ALOX5: variants seen among roughly 807,000 people sequenced by gnomAD.
ALOX5 encodes arachidonate 5-lipoxygenase.
Under a neutral mutation model 87.9 loss-of-function variants are expected in ALOX5, and 64 were observed. That is an observed-to-expected ratio of 0.73 (90% CI 0.60 to 0.90). The LOEUF (loss-of-function observed/expected upper bound fraction) is 0.90, where lower values mean the gene tolerates loss of function less well. Among genes scored for constraint, ALOX5 ranks in the 40% least tolerant of loss-of-function variants. The pLI is 0.00. For synonymous variants in ALOX5, 388 were observed against 355.1 expected (o/e 1.09, Z -1.04); for missense variants, 822 against 907.5 (o/e 0.91, Z 1.21).
chr10:45,386,426 A>T (rs904737008), intron 2 of ALOX5, among the ~76,000 whole-genome samples: 1 of 152,052 alleles, frequency 6.6e-6, no homozygotes, highest in Non-Finnish European at 1.5e-5. Flanking sequence ...TGATCATGCC[A>T]CTGCACTCTA....
intron 12 of ALOX5, 119 bp downstream of exon 12, chr10:45,443,947 T>A: frequency 1.4e-6 from 2 of 1,440,420 alleles, no homozygotes; most frequent in Non-Finnish European, 9.3e-7. Flanking sequence ...GCACGGGACT[T>A]GCAGGATGGA....
chr10:45,441,612 C>T, intron 9 of ALOX5, 182 bp downstream of exon 9: 1 of 557,412 alleles, frequency 1.8e-6, no homozygotes. Context: ...CAGGAGCACT[C>T]CTCCAGGCGC....
chr10:45,377,028 C>G (rs1839640178), intron 1 of ALOX5, among the ~76,000 whole-genome samples: 1 of 152,178 alleles, frequency 6.6e-6, no homozygotes, highest in Non-Finnish European at 1.5e-5. Context: ...TGTAACAGAT[C>G]TGAAGATTTC....
intron 2 of ALOX5, among the ~76,000 whole-genome samples, chr10:45,386,300 CAA>C (rs56924533): frequency 2.7e-4 from 34 of 124,390 alleles, no homozygotes; most frequent in Admixed American, 2.5e-4. Flanking sequence ...GACTCTGTCT[CAA>C]AAAAAAAAAA....
At chr10:45,378,716 G>A (rs1476933781) in intron 1 of ALOX5, among the ~76,000 whole-genome samples, 4 of 152,164 alleles carry the variant, frequency 2.6e-5, no homozygotes, top group Admixed American at 1.3e-4. Context: ...TGGGATGTTA[G>A]AACCACAGCC....
intron 2 of ALOX5, among the ~76,000 whole-genome samples, chr10:45,385,222 A>T (rs954236743): frequency 6.6e-6 from 1 of 152,326 alleles, no homozygotes; most frequent in East Asian, 1.9e-4. Context: ...GGGCCAGCCT[A>T]CAAGTGATTC....
intron 4 of ALOX5, among the ~76,000 whole-genome samples, chr10:45,413,885 A>T (rs1245194753): frequency 6.6e-6 from 1 of 152,212 alleles, no homozygotes. Context: ...CTTACAAGGG[A>T]TGTGAAGGAC....
At chr10:45,421,386 T>C (rs6593485) in intron 4 of ALOX5, among the ~76,000 whole-genome samples, 109,711 of 152,178 alleles carry the variant, frequency 0.72, 39,814 homozygotes, top group East Asian at 0.87. Flanking sequence ...GGACCTCAGG[T>C]GCCCCAGCAC....
intron 2 of ALOX5, among the ~76,000 whole-genome samples, chr10:45,385,293 C>T (rs1031332435): frequency 2.0e-5 from 3 of 152,194 alleles, no homozygotes; most frequent in Admixed American, 6.5e-5. Context: ...CTTGGGTGAA[C>T]ATGAATGTCA....
chr10:45,414,321 A>G (rs1841186049), intron 4 of ALOX5, among the ~76,000 whole-genome samples: 1 of 152,216 alleles, frequency 6.6e-6, no homozygotes, highest in South Asian at 2.1e-4. Flanking sequence ...AAACCTGACA[A>G]AAACAAGCAA....
intron 1 of ALOX5, among the ~76,000 whole-genome samples, chr10:45,380,850 G>T (rs1839800010): frequency 6.6e-6 from 1 of 152,206 alleles, no homozygotes; most frequent in Non-Finnish European, 1.5e-5. Context: ...ACTGAGGCAG[G>T]AGAATCACTT....
At position 45,402,422 on chromosome 10, in the gene ALOX5, G is replaced by A. The variant is rs1054227440; in HGVS notation, c.431+6486G>A. Among the ~76,000 whole-genome samples the A allele has an allele frequency of 3.3e-5, 5 of 152,122 alleles. No homozygotes were observed. In the South Asian group the frequency reaches 6.2e-4, roughly 19 times the overall value. On this transcript the variant is annotated intron_variant, in intron 3 of 13. Transcript: ENST00000374391. Reference sequence around the variant, plus strand: ...GTACTGGGTCTGCTACGGAGGGCTCGGCTGATGGGTGGCACTGGGCCACTG... The same window carrying A: ...GTACTGGGTCTGCTACGGAGGGCTCAGCTGATGGGTGGCACTGGGCCACTG...
rs188527474 is a variant in ALOX5 at position 45,387,412 on chromosome 10, G to A, written c.349+4731G>A. On this transcript the variant is annotated intron_variant, in intron 2 of 13. Coordinates refer to ENST00000374391, the MANE Select transcript of ALOX5 (RefSeq NM_000698.5). ...ACACTAAAACCCAGAGTGAACTCCCGTTTTTGCTCAGTATAAGAATTTCAG... is the reference window on the plus strand; with the variant it reads ...ACACTAAAACCCAGAGTGAACTCCCATTTTTGCTCAGTATAAGAATTTCAG... 4.2e-3 allele frequency among the ~76,000 whole-genome samples: 638 copies of A among 152,238 alleles called. 4 individuals carry two copies. Among genetic ancestry groups the A allele is most frequent in the African/African-American group, 0.014 (601 of 41,524 alleles).
At chr10:45,383,106 G>A (rs1460915563) in intron 2 of ALOX5, among the ~76,000 whole-genome samples, 2 of 152,264 alleles carry the variant, frequency 1.3e-5, no homozygotes. Flanking sequence ...AGCTCAGGGT[G>A]CCCCATGTGG....
intron 7 of ALOX5, among the ~76,000 whole-genome samples, chr10:45,438,749 T>C (rs911579571): frequency 3.9e-5 from 6 of 152,192 alleles, no homozygotes; most frequent in African/African-American, 1.4e-4. Context: ...TTCTGAGACC[T>C]TCTAATTTTT....
At chr10:45,423,981 G>A (rs1377036104) in intron 4 of ALOX5, 60 bp from the exon 5 acceptor site, 1 of 1,344,964 alleles carries the variant, frequency 7.4e-7, no homozygotes, top group African/African-American at 1.4e-5. Flanking sequence ...TGGTGTGAAG[G>A]GGCTCTGCAG....
intron 2 of ALOX5, among the ~76,000 whole-genome samples, chr10:45,394,214 G>T (rs1459186676): frequency 6.6e-6 from 1 of 151,676 alleles, no homozygotes; most frequent in Non-Finnish European, 1.5e-5. Flanking sequence ...ATACTACAAG[G>T]CTACAGTAAC....
At chr10:45,374,457 C>T (rs751522613) in intron 1 of ALOX5, 28 bp downstream of exon 1, 1 of 1,510,056 alleles carries the variant, frequency 6.6e-7, no homozygotes, top group Non-Finnish European at 8.8e-7. Context: ...ACGGGTGGAG[C>T]GCGGGCTGAG....
At chr10:45,390,152 G>A (rs561224086) in intron 2 of ALOX5, among the ~76,000 whole-genome samples, 13 of 152,286 alleles carry the variant, frequency 8.5e-5, no homozygotes, top group South Asian at 2.1e-4. Context: ...TATCCGAAAC[G>A]TATATGCACC....
Sources: gnomAD v4.1 joint callset for allele counts (sites outside exome capture counted in the v4.1 genomes callset) on GRCh38, gnomAD v4.1.1 for gene constraint, MANE v1.5 for transcripts, NCBI Gene and HGNC (gene_info 2026-07-23, HGNC 2026-07-21) for gene names.